NCALD: variants seen among roughly 807,000 people sequenced by gnomAD.
The protein encoded by NCALD is neurocalcin delta.
NCALD carries 10 observed loss-of-function variants against 18.6 expected under a neutral mutation model. The ratio of observed to expected loss-of-function variants is 0.54; its 90% CI spans 0.33 to 0.91. The LOEUF (loss-of-function observed/expected upper bound fraction) is 0.91, where lower values mean the gene tolerates loss of function less well. Among genes scored for constraint, NCALD ranks in the 40% least tolerant of loss-of-function variants. NCALD has a pLI of 0.03. For missense variants in NCALD, 184 were observed against 247.6 expected (o/e 0.74, Z 1.72); for synonymous variants, 88 against 87.4 (o/e 1.01, Z -0.04).
chr8:102,068,229 T>A (rs1477902941), intron 1 of NCALD, among the ~76,000 whole-genome samples: 1 of 152,116 alleles, frequency 6.6e-6, no homozygotes, highest in Non-Finnish European at 1.5e-5. Flanking sequence ...ATCAGGGAGA[T>A]CTCGCGCTCC....
intron 4 of NCALD, among the ~76,000 whole-genome samples, chr8:101,833,337 C>G (rs2131255468): frequency 6.6e-6 from 1 of 152,288 alleles, no homozygotes; most frequent in South Asian, 2.1e-4. Flanking sequence ...GGCTAGATGA[C>G]TTCCCAAGAA....
intron 4 of NCALD, among the ~76,000 whole-genome samples, chr8:101,886,838 ATCATATG>A (rs1420377878): frequency 1.3e-5 from 2 of 152,176 alleles, no homozygotes; most frequent in Non-Finnish European, 2.9e-5. Context: ...TTACTCCATT[ATCATATG>A]TCCTGTTTTG....
At chr8:102,109,965 A>C (rs865973334) in intron 1 of NCALD, among the ~76,000 whole-genome samples, 15 of 152,280 alleles carry the variant, frequency 9.9e-5, no homozygotes, top group South Asian at 6.2e-4. Flanking sequence ...TTATTTTTTC[A>C]CTTAACCCTA....
chr8:102,120,417 T>C (rs1825911807), intron 1 of NCALD, among the ~76,000 whole-genome samples: 1 of 152,202 alleles, frequency 6.6e-6, no homozygotes, highest in South Asian at 2.1e-4. Flanking sequence ...TAAGTCATTG[T>C]GAGCAATGCC....
rs561112562 is a variant in NCALD at position 101,744,488 on chromosome 8, A to G, written c.-19-24840T>C. Among the ~76,000 whole-genome samples, 17 of 152,394 alleles carry G rather than the reference A, an allele frequency of 1.1e-4. 1 individual carries two copies. The South Asian group carries it at 3.5e-3, about 32-fold the overall frequency. Reference sequence around the variant, plus strand: ...GAGAAGTCTCCATCTCTAGCAAGACACGTAGTGCTGGCAGATCTTAAAATG... The same window carrying G: ...GAGAAGTCTCCATCTCTAGCAAGACGCGTAGTGCTGGCAGATCTTAAAATG... On this transcript the variant is annotated intron_variant, in intron 1 of 3. Coordinates refer to ENST00000220931, the MANE Select transcript of NCALD (RefSeq NM_032041.3).
chr8:101,753,770 T>C (rs1810759434), intron 1 of NCALD, among the ~76,000 whole-genome samples: 1 of 152,104 alleles, frequency 6.6e-6, no homozygotes, highest in Admixed American at 6.6e-5. Context: ...AGCCAATGTA[T>C]CACTCTGAGG....
At chr8:102,043,710 CA>C (rs1240715260) in intron 1 of NCALD, among the ~76,000 whole-genome samples, 6 of 93,332 alleles carry the variant, frequency 6.4e-5, no homozygotes, top group Non-Finnish European at 1.2e-4. Context: ...AGAGAAGGGG[CA>C]GGGGACAGGG....
chr8:101,697,948 G>C (rs985591626), intron 2 of NCALD, among the ~76,000 whole-genome samples: 25 of 152,138 alleles, frequency 1.6e-4, no homozygotes, highest in African/African-American at 6.0e-4. Flanking sequence ...GGGCAATCAG[G>C]CAAGAGAAAG....
upstream of NCALD, chr8:102,124,411 C>T (rs995162772): frequency 6.6e-6 from 1 of 152,172 alleles, no homozygotes; most frequent in East Asian, 1.9e-4. Context: ...CACTGCAGCC[C>T]CGCAGGCAGC....
intron 2 of NCALD, among the ~76,000 whole-genome samples, chr8:101,949,004 G>C (rs991432347): frequency 6.6e-5 from 10 of 152,172 alleles, no homozygotes; most frequent in Admixed American, 1.3e-4. Flanking sequence ...TTCTTGTTAA[G>C]TGTACCTTAC....
chr8:101,785,105 C>T (rs1016443612), intron 1 of NCALD, among the ~76,000 whole-genome samples: 4 of 152,164 alleles, frequency 2.6e-5, no homozygotes, highest in African/African-American at 7.2e-5. Context: ...TTGTGTGACA[C>T]TCAGCAATTT....
intron 2 of NCALD, among the ~76,000 whole-genome samples, chr8:101,699,959 A>C (rs1322832415): frequency 6.6e-6 from 1 of 152,198 alleles, no homozygotes; most frequent in Admixed American, 6.5e-5. Context: ...TTATTTAATA[A>C]TTATGTATTG....
chr8:101,851,812 C>T (rs532057860), intron 4 of NCALD, among the ~76,000 whole-genome samples: 2 of 152,036 alleles, frequency 1.3e-5, no homozygotes, highest in African/African-American at 2.4e-5. Flanking sequence ...TTTTATTGTA[C>T]GGTACTATGG....
Position 101,823,429 on chromosome 8 carries a change from C to G in NCALD, c.-20+63712G>C, listed in dbSNP as rs113064003. Among the ~76,000 whole-genome samples, 864 of 152,312 alleles carry G rather than the reference C, an allele frequency of 5.7e-3. 11 individuals carry two copies. Among genetic ancestry groups the G allele is most frequent in the African/African-American group, 0.018 (761 of 41,572 alleles). On this transcript the variant is annotated intron_variant, in intron 4 of 6. Transcript: ENST00000311028. ...AAGTCTAAGTTTCTCTTTATAAGGG[C>G]TCCCATTGGTGAACTTCAGCCAACA...
chr8:101,716,365 T>C (rs1345034260), intron 2 of NCALD, among the ~76,000 whole-genome samples: 2 of 152,096 alleles, frequency 1.3e-5, no homozygotes, highest in African/African-American at 4.8e-5. Flanking sequence ...AAATACCTAA[T>C]GTAAATGACG....
intron 4 of NCALD, among the ~76,000 whole-genome samples, chr8:101,811,741 T>C (rs1273519101): frequency 6.6e-6 from 1 of 152,074 alleles, no homozygotes; most frequent in African/African-American, 2.4e-5. Flanking sequence ...AGTGAACCCA[T>C]TACGGAAAAA....
At chr8:101,843,583 T>TTTTTTTTTTG (rs1282259181) in intron 4 of NCALD, among the ~76,000 whole-genome samples, 11 of 87,594 alleles carry the variant, frequency 1.3e-4, no homozygotes, top group African/African-American at 7.0e-4. Flanking sequence ...TTAAAAATTG[T>TTTTTTTTTTG]TTTTTTTTTT....
intron 2 of NCALD, among the ~76,000 whole-genome samples, chr8:101,959,476 T>C (rs1030804480): frequency 6.6e-6 from 1 of 152,218 alleles, no homozygotes; most frequent in Admixed American, 6.5e-5. Context: ...ACTTTGAGAC[T>C]GCATAAATAT....
chr8:101,842,123 T>C (rs979668406), intron 4 of NCALD, among the ~76,000 whole-genome samples: 1 of 152,192 alleles, frequency 6.6e-6, no homozygotes, highest in African/African-American at 2.4e-5. Flanking sequence ...TCCTGTGTCT[T>C]CACATGGTCT....
Sources: gnomAD v4.1 joint callset for allele counts (sites outside exome capture counted in the v4.1 genomes callset) on GRCh38, gnomAD v4.1.1 for gene constraint, MANE v1.5 for transcripts, NCBI Gene and HGNC (gene_info 2026-07-23, HGNC 2026-07-21) for gene names.